PAX5: variants seen among roughly 807,000 people sequenced by gnomAD.
The protein encoded by PAX5 is paired box 5, also known as paired box protein Pax-5.
A neutral mutation model predicts 43.7 loss-of-function variants in PAX5; 9 were observed. The observed-to-expected ratio is 0.21, with a 90% CI of 0.12 to 0.36. The LOEUF (loss-of-function observed/expected upper bound fraction) is 0.36, where lower values mean the gene tolerates loss of function less well. Among genes scored for constraint, PAX5 ranks in the 10% least tolerant of loss-of-function variants. PAX5 has a pLI of 1.00. For missense variants in PAX5, 383 were observed against 532.7 expected (o/e 0.72, Z 2.77); for synonymous variants, 228 against 214.3 (o/e 1.06, Z -0.56).
At chr9:36,972,657 G>C (rs1835016108) in intron 5 of PAX5, among the ~76,000 whole-genome samples, 1 of 152,166 alleles carries the variant, frequency 6.6e-6, no homozygotes, top group Admixed American at 6.5e-5. Flanking sequence ...GGGGTGGTGG[G>C]AGTGCTGGGG....
chr9:36,939,444 A>C (rs1437263545), intron 6 of PAX5, among the ~76,000 whole-genome samples: 1 of 151,668 alleles, frequency 6.6e-6, no homozygotes, highest in African/African-American at 2.4e-5. Flanking sequence ...TTGTTCTGAA[A>C]CCCCACGTGC....
At chr9:36,989,521 C>T (rs905668320) in intron 5 of PAX5, among the ~76,000 whole-genome samples, 2 of 152,140 alleles carry the variant, frequency 1.3e-5, no homozygotes, top group African/African-American at 2.4e-5. Context: ...AAATGTTAGC[C>T]GTTATAGTTA....
At chr9:36,984,676 G>A (rs1159458048) in intron 5 of PAX5, among the ~76,000 whole-genome samples, 3 of 151,808 alleles carry the variant, frequency 2.0e-5, no homozygotes, top group Non-Finnish European at 2.9e-5. Context: ...GGCTGTTCTC[G>A]AACTCCTGAC....
intron 6 of PAX5, among the ~76,000 whole-genome samples, chr9:36,933,015 C>T (rs1831250512): frequency 6.6e-6 from 1 of 151,632 alleles, no homozygotes; most frequent in South Asian, 2.1e-4. Context: ...AATAGTCAGG[C>T]TGTGGTGGTG....
chr9:36,903,526 C>T (rs1828570593), intron 7 of PAX5, among the ~76,000 whole-genome samples: 1 of 152,242 alleles, frequency 6.6e-6, no homozygotes, highest in African/African-American at 2.4e-5. Context: ...GGAGGCTGCA[C>T]AGCAGGGGCT....
At chr9:37,007,207 C>G (rs1838475050) in intron 3 of PAX5, among the ~76,000 whole-genome samples, 1 of 152,192 alleles carries the variant, frequency 6.6e-6, no homozygotes, top group African/African-American at 2.4e-5. Context: ...GATATCCTGG[C>G]CTGTCTTTTC....
At chr9:36,856,370 G>T (rs775868727) in intron 8 of PAX5, among the ~76,000 whole-genome samples, 14 of 152,308 alleles carry the variant, frequency 9.2e-5, no homozygotes, top group Middle Eastern at 3.4e-3. Flanking sequence ...CACCGTGCAG[G>T]TCCCATGAGT....
chr9:36,908,725 G>A (rs1829014102), intron 7 of PAX5, among the ~76,000 whole-genome samples: 1 of 152,204 alleles, frequency 6.6e-6, no homozygotes, highest in African/African-American at 2.4e-5. Flanking sequence ...AGGGTGGGCT[G>A]GATGCTGGAG....
intron 6 of PAX5, among the ~76,000 whole-genome samples, chr9:36,955,884 G>A (rs1025673099): frequency 6.6e-6 from 1 of 151,506 alleles, no homozygotes; most frequent in East Asian, 1.9e-4. Context: ...CAATAGCTCA[G>A]ATCTTGTTAT....
At chr9:36,915,985 C>T (rs1829702757) in intron 7 of PAX5, among the ~76,000 whole-genome samples, 1 of 150,764 alleles carries the variant, frequency 6.6e-6, no homozygotes, top group South Asian at 2.1e-4. Context: ...GTGGGAGGAT[C>T]ACTAGGAGGT....
chr9:36,923,409 G>A lies in PAX5; in HGVS notation c.856C>T (p.Pro286Ser), dbSNP rs1393968437. 5 of 1,613,320 alleles carry A rather than the reference G, an allele frequency of 3.1e-6. No homozygotes were observed. In the East Asian group the frequency reaches 1.1e-4, roughly 36 times the overall value. ...GGCACACTGCTCCCGATGTCAGCAGGGGTGGGGCTGGCCAGATTGGCCTTC... is the reference window on the plus strand; with the variant it reads ...GGCACACTGCTCCCGATGTCAGCAGAGGTGGGGCTGGCCAGATTGGCCTTC... Reference protein sequence around the residue: ...DMKANLASPTPADIGSSVPGP... With the variant: ...DMKANLASPTSADIGSSVPGP... Residue 286 changes from proline to serine, a missense_variant, in exon 7 of 10, where the codon CCT (proline) becomes TCT (serine). Pro to Ser is a moderately conservative substitution (Grantham distance 74). Transcript: ENST00000358127.
chr9:37,002,831 G>C, intron 4 of PAX5, 55 bp from the exon 5 acceptor site: 3 of 1,554,652 alleles, frequency 1.9e-6, no homozygotes, highest in Non-Finnish European at 1.7e-6. Context: ...GCGGCGGACC[G>C]GCTGTCACCG....
rs774826422 is a variant in PAX5, at chr9:37,002,803, G to C, written c.476-27C>G. The stretch of plus-strand genomic sequence containing the variant: ...TGCGCGGAGAAAGACGGGCGGTCAG[G>C]GCCGCAGAGGGCTGAGGGCGGCGGA... On this transcript the variant is annotated intron_variant, in intron 4 of 9. Coordinates refer to ENST00000358127, the MANE Select transcript of PAX5 (RefSeq NM_016734.3). 5 of 1,594,834 alleles carry C rather than the reference G, an allele frequency of 3.1e-6. No individual in the cohort carries two copies. In the African/African-American group the frequency reaches 6.7e-5, roughly 21 times the overall value.
At chr9:37,000,732 C>T (rs186361132) in intron 5 of PAX5, among the ~76,000 whole-genome samples, 14 of 152,336 alleles carry the variant, frequency 9.2e-5, no homozygotes, top group Non-Finnish European at 1.6e-4. Flanking sequence ...CATTACCTCC[C>T]GAGGCATCTC....
At chr9:36,889,907 C>T (rs1204136007) in intron 7 of PAX5, among the ~76,000 whole-genome samples, 1 of 146,748 alleles carries the variant, frequency 6.8e-6, no homozygotes, top group Non-Finnish European at 1.5e-5. Context: ...TTCATAGAGC[C>T]CATTTCTAGG....
At chr9:37,022,855 G>C (rs1839971393) in intron 1 of PAX5, among the ~76,000 whole-genome samples, 1 of 152,120 alleles carries the variant, frequency 6.6e-6, no homozygotes, top group Non-Finnish European at 1.5e-5. Flanking sequence ...CAACAGACTT[G>C]GGGTGACCTG....
chr9:36,941,110 G>T lies in PAX5; in HGVS notation c.781-17626C>A, dbSNP rs369393114. Among the ~76,000 whole-genome samples the T allele has an allele frequency of 8.9e-4, 135 of 152,334 alleles. 3 individuals are homozygous for T. The South Asian group carries it at 0.028, about 31-fold the overall frequency. ...GGTAAGAGAAAGCACGGATTAGCGT[G>T]CAAGGGCGTGGCCTGCACAGCCGCT... On this transcript the variant is annotated intron_variant, in intron 6 of 9. Coordinates refer to ENST00000358127, the MANE Select transcript of PAX5 (RefSeq NM_016734.3).
chr9:36,839,936 A>G lies in PAX5; in HGVS notation c.*624T>C, dbSNP rs894214793. Reference sequence around the variant, plus strand: ...AGCCTGCAGCACAACCAGCCCAGTGAGACTCCTCGTAAAGATACTAAAGAA... The same window carrying G: ...AGCCTGCAGCACAACCAGCCCAGTGGGACTCCTCGTAAAGATACTAAAGAA... On this transcript the variant is annotated 3_prime_UTR_variant, in exon 10 of 10. Transcript: ENST00000358127. 10 of 235,672 alleles carry G rather than the reference A, an allele frequency of 4.2e-5. No individual in the cohort carries two copies. Among genetic ancestry groups the G allele is most frequent in the Non-Finnish European group, 8.4e-5 (10 of 119,544 alleles). 14.6% of individuals were successfully genotyped at this position (235,672 alleles called of 1,614,324 possible). A position where few individuals can be genotyped will look rare whatever the true frequency, so the allele number is the denominator to read the frequency against.
intron 5 of PAX5, among the ~76,000 whole-genome samples, chr9:36,993,153 T>C (rs571617621): frequency 1.3e-5 from 2 of 152,182 alleles, no homozygotes; most frequent in South Asian, 2.1e-4. Context: ...GCTATGAGAG[T>C]CCAGCTGTTT....
Sources: gnomAD v4.1 joint callset for allele counts (sites outside exome capture counted in the v4.1 genomes callset) on GRCh38, gnomAD v4.1.1 for gene constraint, MANE v1.5 for transcripts, NCBI Gene and HGNC (gene_info 2026-07-23, HGNC 2026-07-21) for gene names.